Variants in SOHLH1 observed in about 807,000 individuals in gnomAD.
SOHLH1 encodes spermatogenesis and oogenesis specific basic helix-loop-helix 1, also known as spermatogenesis- and oogenesis-specific basic helix-loop-helix-containing protein 1.
In SOHLH1, 23 loss-of-function variants were observed where a neutral mutation model predicts 36.2. That is an observed-to-expected ratio of 0.64 (90% CI 0.46 to 0.90). The LOEUF (loss-of-function observed/expected upper bound fraction) is 0.90. SOHLH1 is among the 40% of genes least tolerant of loss of function. SOHLH1 has a pLI of 0.00. For missense variants in SOHLH1, 608 were observed against 517.0 expected (o/e 1.18, Z -1.71); for synonymous variants, 289 against 228.3 (o/e 1.27, Z -2.40).
In SOHLH1 at chr9:135,693,757, G is replaced by A. The variant is rs1363675377; in HGVS notation, c.1004C>T (p.Pro335Leu). The A allele has an allele frequency of 1.9e-6, 3 of 1,579,486 alleles. No homozygotes were observed. The highest frequency in any genetic ancestry group is 2.6e-6 in the Non-Finnish European group (3 of 1,163,616). The change falls in exon 8 of 8, where the codon CCA becomes CTA. Residue 335 changes from proline (P) to leucine (L), a missense_variant. Coordinates refer to ENST00000425225, the MANE Select transcript of SOHLH1 (RefSeq NM_001101677.2). ...GPAWAPAESS[P>L]LDVGEPGFLG... ...GAAGCCTGGCTCTCCAACATCCAGT[G>A]GACTGCTCTCAGCTGGGGCCCATGC...
rs1834956662 is a variant in SOHLH1, at chr9:135,699,476, A to G, written c.-9T>C. 1 of 1,611,358 alleles carries G rather than the reference A, an allele frequency of 6.2e-7. No individual in the cohort carries two copies. The highest frequency in any genetic ancestry group is 8.5e-7 in the Non-Finnish European group (1 of 1,179,488). On this transcript the variant is annotated 5_prime_UTR_variant, in exon 1 of 8. Coordinates refer to ENST00000425225, the MANE Select transcript of SOHLH1 (RefSeq NM_001101677.2). ...GAGCACCGGGACGCCATGAACTCGC[A>G]GCTGCGGAGCGACCCCACGCGCACG...
chr9:135,697,649 AAAAC>A, intron 3 of SOHLH1, 22 bp from the exon 4 acceptor site: 2 of 1,606,386 alleles, frequency 1.2e-6, no homozygotes, highest in Non-Finnish European at 1.7e-6. Flanking sequence ...GTAAACATGT[AAAAC>A]AAAGACAGAG....
chr9:135,697,392 G>T, intron 4 of SOHLH1, 114 bp downstream of exon 4: 1 of 1,492,890 alleles, frequency 6.7e-7, no homozygotes. Context: ...CACCACCTGC[G>T]GAGGCCAAGC....
At chr9:135,697,102 C>T (rs1834833562) in intron 4 of SOHLH1, among the ~76,000 whole-genome samples, 1 of 152,230 alleles carries the variant, frequency 6.6e-6, no homozygotes, top group African/African-American at 2.4e-5. Context: ...AAGATGCAGA[C>T]AGTCCTTCAA....
Position 135,697,633 on chromosome 9 carries a change from A to T in SOHLH1, c.346-6T>A. ...TCCTTGGAGGAAGCAAGAATCTGAA[A>T]TTTAAGTAAACATGTAAAACAAAGA... On this transcript the variant is annotated splice_polypyrimidine_tract_variant and splice_region_variant and intron_variant, in intron 3 of 7. Transcript: ENST00000425225. 6.2e-7 allele frequency: 1 copy of T among 1,610,124 alleles called. No individual in the cohort carries two copies.
rs200772463 is a variant in SOHLH1 at position 135,693,573 on chromosome 9, C to T, written c.*24G>A. On this transcript the variant is annotated 3_prime_UTR_variant, in exon 8 of 8. Coordinates refer to ENST00000425225, the MANE Select transcript of SOHLH1 (RefSeq NM_001101677.2). ...CGGCTCCAGATCCACCGGCCCCGCC[C>T]GCCTCCTCTCCACAGCCTGGCTGCT... is the stretch of plus-strand genomic sequence containing the variant. 5.3e-3 allele frequency: 8,182 copies of T among 1,541,928 alleles called. 26 individuals are homozygous for T. The highest frequency in any genetic ancestry group is 6.2e-3 in the Non-Finnish European group (7,105 of 1,139,524).
intron 4 of SOHLH1, 44 bp from the exon 5 acceptor site, chr9:135,696,849 C>T (rs779569771): frequency 7.5e-6 from 12 of 1,603,310 alleles, no homozygotes; most frequent in East Asian, 4.5e-5. Context: ...TATTCCCCAG[C>T]CCCCTGGAAG....
intron 7 of SOHLH1, chr9:135,694,134 G>T: frequency 7.0e-7 from 1 of 1,433,418 alleles, no homozygotes; most frequent in Non-Finnish European, 9.1e-7. Flanking sequence ...TCAAGGGGAA[G>T]AATACAGGGC....
chr9:135,697,376 G>C, intron 4 of SOHLH1, 130 bp downstream of exon 4: 1 of 1,373,528 alleles, frequency 7.3e-7, no homozygotes, highest in South Asian at 1.2e-5. Flanking sequence ...AGGGCCCTGG[G>C]CAGGTCACCA....
chr9:135,698,638 C>T lies in SOHLH1; in HGVS notation c.198-162G>A, dbSNP rs186192907. ...CCGTGGTCTGAAGCCCCGAGATCCA[C>T]ATCAGAGCACAGCCTGGGCCTGACC... On this transcript the variant is annotated intron_variant, in intron 2 of 7. Coordinates refer to ENST00000425225, the MANE Select transcript of SOHLH1 (RefSeq NM_001101677.2). Among the ~76,000 whole-genome samples, 181 of 152,328 alleles carry T rather than the reference C, an allele frequency of 1.2e-3. 1 individual carries two copies. Among genetic ancestry groups the T allele is most frequent in the African/African-American group, 4.1e-3 (171 of 41,574 alleles).
At position 135,694,400 on chromosome 9, in the gene SOHLH1, G is replaced by T; in HGVS notation, c.933C>A (p.Pro311=). The change falls in exon 7 of 8, where the codon CCC becomes CCA. Residue 311 remains proline (P), a synonymous_variant. Transcript: ENST00000425225. ...DGTSFLLTAG[P]SSWPGSLEGR... ...GGCCCCACTCACCCGGCCACGAGCT[G>T]GGACCAGCAGTCAGCAGGAAGGACG... 2 of 1,613,092 alleles carry T rather than the reference G, an allele frequency of 1.2e-6. No individual in the cohort carries two copies. Among genetic ancestry groups the T allele is most frequent in the Non-Finnish European group, 8.5e-7 (1 of 1,179,984 alleles).
chr9:135,700,004 G>A (rs564783), upstream of SOHLH1, among the ~76,000 whole-genome samples: 130,800 of 151,952 alleles, frequency 0.86, 56,644 homozygotes, highest in Non-Finnish European at 0.91. Flanking sequence ...GCTTGCAGAC[G>A]CTGCGCCTCA....
upstream of SOHLH1, among the ~76,000 whole-genome samples, chr9:135,700,635 C>T (rs1834998404): frequency 6.6e-6 from 1 of 152,206 alleles, no homozygotes; most frequent in Non-Finnish European, 1.5e-5. Context: ...AGGCGCGGCT[C>T]TGGGCCTCGG....
chr9:135,698,611 C>T (rs1178076187), intron 2 of SOHLH1, 135 bp from the exon 3 acceptor site: 2 of 1,310,838 alleles, frequency 1.5e-6, no homozygotes, highest in East Asian at 5.0e-5. Flanking sequence ...TCAGAGCTGC[C>T]CCCGTGGTCT....
At chr9:135,701,154 G>A (rs1024004401), upstream of SOHLH1, among the ~76,000 whole-genome samples, 2 of 152,220 alleles carry the variant, frequency 1.3e-5, no homozygotes, top group African/African-American at 4.8e-5. Flanking sequence ...AGATGCCCAC[G>A]AGCTGTGTGG....
chr9:135,700,196 C>T (rs1016543895), upstream of SOHLH1, among the ~76,000 whole-genome samples: 13 of 152,170 alleles, frequency 8.5e-5, no homozygotes, highest in South Asian at 2.1e-4. Context: ...GGGGCCCCAG[C>T]TCGACCCCTC....
chr9:135,697,060 T>C (rs1834830819), intron 4 of SOHLH1, among the ~76,000 whole-genome samples: 1 of 152,196 alleles, frequency 6.6e-6, no homozygotes, highest in Admixed American at 6.5e-5. Context: ...TGCCCCAGCC[T>C]GCTTTGGGGT....
rs181164178 is a variant in SOHLH1 at position 135,694,821 on chromosome 9, G to A, written c.875+229C>T. Reference sequence around the variant, plus strand: ...ATCAGCCAAAACAAATGACAATTAGGAAGACAAAAGTGTTTCCAGAAACAC... The same window carrying A: ...ATCAGCCAAAACAAATGACAATTAGAAAGACAAAAGTGTTTCCAGAAACAC... On this transcript the variant is annotated intron_variant, in intron 6 of 7. Transcript: ENST00000425225. 3.6e-3 allele frequency among the ~76,000 whole-genome samples: 550 copies of A among 152,114 alleles called. 1 individual carries two copies. Among genetic ancestry groups the A allele is most frequent in the African/African-American group, 0.012 (500 of 41,486 alleles).
chr9:135,701,478 A>T (rs1835033182), upstream of SOHLH1, among the ~76,000 whole-genome samples: 1 of 152,250 alleles, frequency 6.6e-6, no homozygotes, highest in Admixed American at 6.5e-5. Flanking sequence ...AGGCTGAGCC[A>T]GGGTGACGCA....
Sources: gnomAD v4.1 joint callset for allele counts (sites outside exome capture counted in the v4.1 genomes callset) on GRCh38, gnomAD v4.1.1 for gene constraint, MANE v1.5 for transcripts, NCBI Gene and HGNC (gene_info 2026-07-23, HGNC 2026-07-21) for gene names.